The following NRSN1 variants were observed in gnomAD, a reference collection of about 807,000 sequenced individuals.
NRSN1 encodes the protein neurensin-1.
Under a neutral mutation model 17.3 loss-of-function variants are expected in NRSN1, and 14 were observed. The observed-to-expected ratio is 0.81, with a 90% CI of 0.54 to 1.27. The LOEUF is 1.27. Ranked by LOEUF, NRSN1 falls within the 50% of genes most tolerant of loss-of-function variation. The probability of loss-of-function intolerance (pLI) is 0.00; values close to 1 mark genes in which losing one functional copy is unlikely to be tolerated. For missense variants in NRSN1, 209 were observed against 235.9 expected (o/e 0.89, Z 0.75); for synonymous variants, 79 against 94.2 (o/e 0.84, Z 0.93).
intron 3 of NRSN1, chr6:24,140,896 T>C (rs1290370767): frequency 1.5e-5 from 20 of 1,309,220 alleles, no homozygotes; most frequent in Admixed American, 3.8e-5. Flanking sequence ...ATAAGTTCTC[T>C]TTCCTTTCCA....
At chr6:24,136,622 T>C (rs771459581) in intron 3 of NRSN1, among the ~76,000 whole-genome samples, 1 of 152,144 alleles carries the variant, frequency 6.6e-6, no homozygotes, top group Admixed American at 6.5e-5. Context: ...ATATTGTAAG[T>C]GTTCATGGAA....
At chr6:24,137,251 C>A (rs1055683801) in intron 3 of NRSN1, among the ~76,000 whole-genome samples, 2 of 152,156 alleles carry the variant, frequency 1.3e-5, no homozygotes, top group African/African-American at 4.8e-5. Flanking sequence ...AGATTGAAAT[C>A]AAATGGGTCT....
chr6:24,137,702 TC>T (rs991264336), intron 3 of NRSN1, among the ~76,000 whole-genome samples: 2 of 152,030 alleles, frequency 1.3e-5, no homozygotes, highest in Admixed American at 1.3e-4. Flanking sequence ...CCCGCAGCAG[TC>T]CCCGGAGTAT....
chr6:24,133,311 T>C (rs1463867540), intron 2 of NRSN1, among the ~76,000 whole-genome samples: 2 of 152,192 alleles, frequency 1.3e-5, no homozygotes, highest in African/African-American at 2.4e-5. Context: ...GGGTAAAATA[T>C]ATGGTGTTAG....
At chr6:24,133,636 T>C (rs893108880) in intron 2 of NRSN1, among the ~76,000 whole-genome samples, 3 of 152,240 alleles carry the variant, frequency 2.0e-5, no homozygotes, top group African/African-American at 4.8e-5. Context: ...TAAAGATTTC[T>C]TGTCAAGGCA....
In NRSN1 at chr6:24,146,928, A is replaced by G. The variant is rs573843102; in HGVS notation, c.*982A>G. 3.3e-5 allele frequency: 5 copies of G among 152,206 alleles called. No individual in the cohort carries two copies. The highest frequency in any genetic ancestry group is 1.2e-4 in the African/African-American group (5 of 41,522). 9.4% of individuals were successfully genotyped at this position (152,206 alleles called of 1,614,324 possible). ...TGTATAATGGGAGTTCTGGATCACAATATGTCTGGGCTCTCATTACCCAAA... is the reference window on the plus strand; with the variant it reads ...TGTATAATGGGAGTTCTGGATCACAGTATGTCTGGGCTCTCATTACCCAAA... On this transcript the variant is annotated 3_prime_UTR_variant, in exon 4 of 4. Coordinates refer to ENST00000378491, the MANE Select transcript of NRSN1 (RefSeq NM_080723.5).
rs1270564669 is a variant in NRSN1, at chr6:24,145,167, ATATATAT to A, written c.190-374_190-368del. 7.0e-6 allele frequency among the ~76,000 whole-genome samples: 1 copy of A among 143,776 alleles called. No individual in the cohort carries two copies. Among genetic ancestry groups the A allele is most frequent in the Non-Finnish European group, 1.5e-5 (1 of 66,178 alleles). The allele number at this position is 143,776 out of a possible 152,430, so 94.3% of individuals were successfully genotyped here. The stretch of plus-strand genomic sequence containing the variant: ...ATATATAATATATATATCTTTGGAC[ATATATAT>A]TATATAGATCTTTAGCTATATATAA... On this transcript the variant is annotated intron_variant, in intron 3 of 3. Coordinates refer to ENST00000378491, the MANE Select transcript of NRSN1 (RefSeq NM_080723.5). The surrounding 1 kb of genome is among the most constrained non-coding windows in gnomAD (Gnocchi z 4.4).
intron 2 of NRSN1, chr6:24,128,977 T>G (rs936104635): frequency 6.6e-6 from 1 of 152,212 alleles, no homozygotes; most frequent in African/African-American, 2.4e-5. Context: ...TCATGAGGCA[T>G]AAAGATTTAT....
intron 3 of NRSN1, among the ~76,000 whole-genome samples, chr6:24,144,930 C>A (rs1760276158): frequency 6.7e-6 from 1 of 149,038 alleles, no homozygotes. Flanking sequence ...CCAAATGAGA[C>A]AATGTAAGCA....
chr6:24,140,779 G>C, intron 3 of NRSN1: 1 of 1,127,774 alleles, frequency 8.9e-7, no homozygotes, highest in Non-Finnish European at 1.1e-6. Flanking sequence ...GGAGTAAACT[G>C]CATTTTCAGG....
At chr6:24,138,504 A>T (rs1760150263) in intron 3 of NRSN1, among the ~76,000 whole-genome samples, 1 of 151,834 alleles carries the variant, frequency 6.6e-6, no homozygotes, top group South Asian at 2.1e-4. Flanking sequence ...TTCCCTCCTC[A>T]CCTCAGGGTT....
intron 1 of NRSN1, among the ~76,000 whole-genome samples, chr6:24,127,663 A>G (rs1180917060): frequency 6.6e-6 from 1 of 152,220 alleles, no homozygotes; most frequent in Non-Finnish European, 1.5e-5. Flanking sequence ...CGAAGTGTAA[A>G]ATGTATGTAA....
At position 24,145,859 on chromosome 6, in the gene NRSN1, G is replaced by A. The variant is rs193111580; in HGVS notation, c.501G>A (p.Pro167=). 53 of 1,614,170 alleles carry A rather than the reference G, an allele frequency of 3.3e-5. No homozygotes were observed. Among genetic ancestry groups the A allele is most frequent in the East Asian group, 6.7e-5 (3 of 44,886 alleles). ...RIADIKAHTQ[P]VTKAPGPGET... Reference sequence around the variant, plus strand: ...CAGACATCAAAGCCCACACCCAGCCGGTTACAAAAGCTCCAGGGCCAGGGG... The same window carrying A: ...CAGACATCAAAGCCCACACCCAGCCAGTTACAAAAGCTCCAGGGCCAGGGG... Residue 167 remains proline (P), a synonymous_variant, in exon 4 of 4, where the codon CCG becomes CCA. Coordinates refer to ENST00000378491, the MANE Select transcript of NRSN1 (RefSeq NM_080723.5). This position sits in a 1 kb window ranked among gnomAD's most constrained non-coding sequence, Gnocchi z 4.4.
chr6:24,142,392 A>T (rs1760225090), intron 3 of NRSN1, among the ~76,000 whole-genome samples: 1 of 152,146 alleles, frequency 6.6e-6, no homozygotes, highest in African/African-American at 2.4e-5. Flanking sequence ...AGCAGGAATC[A>T]CACAGATCTG....
intron 2 of NRSN1, among the ~76,000 whole-genome samples, chr6:24,133,518 G>T (rs536825580): frequency 6.6e-6 from 1 of 151,594 alleles, no homozygotes; most frequent in African/African-American, 2.4e-5. Context: ...AGGAAACATA[G>T]TTAAAAATCT....
At chr6:24,140,997 G>A (rs1351308825) in intron 3 of NRSN1, 3 of 1,459,106 alleles carry the variant, frequency 2.1e-6, no homozygotes, top group Non-Finnish European at 1.8e-6. Context: ...AACTGTCCTC[G>A]CTGCTGTTTC....
At position 24,145,992 on chromosome 6, in the gene NRSN1, T is replaced by TA. The variant is rs1760297956; in HGVS notation, c.*51dup. 1.3e-6 allele frequency: 2 copies of TA among 1,559,286 alleles called. No individual in the cohort carries two copies. The highest frequency in any genetic ancestry group is 1.7e-6 in the Non-Finnish European group (2 of 1,148,818). On this transcript the variant is annotated 3_prime_UTR_variant, in exon 4 of 4. Transcript: ENST00000378491. This position sits in a 1 kb window ranked among gnomAD's most constrained non-coding sequence, Gnocchi z 4.4. ...TTCTTGTCTGATTTATGCCCGTGGT[T>TA]AAAAAGAGCAGGCCAGTTTTCGAGA...
intron 3 of NRSN1, chr6:24,140,907 A>G (rs1232729977): frequency 3.8e-6 from 5 of 1,301,836 alleles, no homozygotes; most frequent in Non-Finnish European, 4.9e-6. Context: ...TTCCTTTCCA[A>G]TTTTCCTTTC....
chr6:24,140,384 G>C (rs183585885), intron 3 of NRSN1, among the ~76,000 whole-genome samples: 3 of 152,326 alleles, frequency 2.0e-5, no homozygotes, highest in Admixed American at 2.0e-4. Flanking sequence ...GGTCTAAGAA[G>C]ATTGTGAGGT....
Sources: allele counts gnomAD v4.1 joint callset (sites outside exome capture counted in the v4.1 genomes callset), GRCh38; gene constraint gnomAD v4.1.1; non-coding constraint Gnocchi (gnomAD v3.1); transcripts MANE v1.5; gene names NCBI Gene and HGNC (gene_info 2026-07-23, HGNC 2026-07-21).